The following LRCH1 variants were observed in gnomAD, a reference collection of about 807,000 sequenced individuals.
The protein encoded by LRCH1 is leucine rich repeats and calponin homology domain containing 1.
LRCH1 carries 23 observed loss-of-function variants against 94.9 expected under a neutral mutation model. That is an observed-to-expected ratio of 0.24 (90% CI 0.17 to 0.34). LRCH1 has a LOEUF of 0.34. Ranked by LOEUF, LRCH1 falls within the 10% of genes least tolerant of loss-of-function variation. The pLI is 1.00. For synonymous variants in LRCH1, 364 were observed against 354.9 expected, an observed-to-expected ratio of 1.03 and a Z score of -0.29; for missense variants, 790 against 945.9, an observed-to-expected ratio of 0.84 and a Z score of 2.16.
At chr13:46,681,720 C>G (rs1170927396) in intron 3 of LRCH1, 21 bp from the exon 4 acceptor site, 1 of 1,510,528 alleles carries the variant, frequency 6.6e-7, no homozygotes, top group Admixed American at 1.7e-5. Context: ...TTTATTATTT[C>G]TCTCTCTGCT....
At chr13:46,726,390 G>T (rs962073507) in intron 17 of LRCH1, among the ~76,000 whole-genome samples, 1 of 152,176 alleles carries the variant, frequency 6.6e-6, no homozygotes, top group African/African-American at 2.4e-5. Flanking sequence ...AGCCGAAGTC[G>T]CTGGGAACCC....
intron 10 of LRCH1, among the ~76,000 whole-genome samples, chr13:46,699,635 C>T (rs1027958298): frequency 6.6e-6 from 1 of 152,098 alleles, no homozygotes; most frequent in African/African-American, 2.4e-5. Flanking sequence ...TTTGAGGTTG[C>T]GGGTAGTAAT....
At chr13:46,676,961 G>A (rs910537888) in intron 3 of LRCH1, among the ~76,000 whole-genome samples, 8 of 151,972 alleles carry the variant, frequency 5.3e-5, no homozygotes, top group Non-Finnish European at 1.0e-4. Flanking sequence ...AAGTCTTTTT[G>A]TAGAGTCAGG....
chr13:46,605,035 A>G (rs1789838559), intron 1 of LRCH1, among the ~76,000 whole-genome samples: 1 of 152,212 alleles, frequency 6.6e-6, no homozygotes, highest in Non-Finnish European at 1.5e-5. Context: ...TTCTTAAAGA[A>G]ATTGACCCAT....
intron 16 of LRCH1, chr13:46,717,802 A>T (rs1427184161): frequency 1.3e-5 from 2 of 151,966 alleles, no homozygotes; most frequent in East Asian, 1.9e-4. Context: ...TCCTTTTTTT[A>T]AAATTCTTTC....
chr13:46,616,051 C>CTTAGAA (rs2050803884), intron 1 of LRCH1, among the ~76,000 whole-genome samples: 1 of 152,178 alleles, frequency 6.6e-6, no homozygotes, highest in Admixed American at 6.5e-5. Flanking sequence ...GAAATGTAAA[C>CTTAGAA]ATGGGACTTA....
At chr13:46,683,631 A>G (rs759697297) in intron 4 of LRCH1, among the ~76,000 whole-genome samples, 7 of 152,350 alleles carry the variant, frequency 4.6e-5, no homozygotes, top group Admixed American at 6.5e-5. Context: ...CATTTTCAAA[A>G]GGAAAAATTA....
At position 46,707,692 on chromosome 13, in the gene LRCH1, C is replaced by T. The variant is rs533804803; in HGVS notation, c.1527+2388C>T. ...TGGATGGTCATTCCAATAATTTTGTCTTCTAAGATGTATATATTCCTGAAT... is the reference window on the plus strand; with the variant it reads ...TGGATGGTCATTCCAATAATTTTGTTTTCTAAGATGTATATATTCCTGAAT... On this transcript the variant is annotated intron_variant, in intron 13 of 19. Transcript: ENST00000389797. Among the ~76,000 whole-genome samples, 4 of 152,268 alleles carry T rather than the reference C, an allele frequency of 2.6e-5. No homozygotes were observed. In the East Asian group the frequency reaches 7.7e-4, roughly 29 times the overall value.
intron 13 of LRCH1, chr13:46,705,566 T>G: frequency 1.6e-6 from 1 of 610,670 alleles, no homozygotes; most frequent in Non-Finnish European, 3.0e-6. Flanking sequence ...TCAGATCATC[T>G]TGCTGAGTCA....
At chr13:46,599,469 G>A (rs752145947) in intron 1 of LRCH1, among the ~76,000 whole-genome samples, 5 of 152,144 alleles carry the variant, frequency 3.3e-5, no homozygotes, top group Non-Finnish European at 7.3e-5. Flanking sequence ...CCCACCCACA[G>A]TACACAGGGG....
At chr13:46,604,585 G>A (rs555785215) in intron 1 of LRCH1, among the ~76,000 whole-genome samples, 2 of 152,310 alleles carry the variant, frequency 1.3e-5, no homozygotes, top group Non-Finnish European at 2.9e-5. Flanking sequence ...TATCTGGAGC[G>A]GAGCAGGCAG....
chr13:46,698,484 G>A (rs977487243), intron 9 of LRCH1, among the ~76,000 whole-genome samples: 16 of 48,406 alleles, frequency 3.3e-4, no homozygotes, highest in Non-Finnish European at 4.9e-4. Context: ...GAACATTTGA[G>A]TGATTCTGGA....
At chr13:46,727,902 T>C (rs530092070) in intron 17 of LRCH1, among the ~76,000 whole-genome samples, 90 of 55,090 alleles carry the variant, frequency 1.6e-3, no homozygotes, top group Non-Finnish European at 2.2e-3. Context: ...GAGAAAAACA[T>C]TTCTTTCTTT....
intron 18 of LRCH1, among the ~76,000 whole-genome samples, chr13:46,731,686 C>G (rs898253838): frequency 3.9e-5 from 6 of 152,124 alleles, no homozygotes; most frequent in Non-Finnish European, 8.8e-5. Context: ...TCTTGATGAC[C>G]TTTTGGACCA....
At chr13:46,630,794 G>A (rs2051009105) in intron 1 of LRCH1, among the ~76,000 whole-genome samples, 2 of 152,332 alleles carry the variant, frequency 1.3e-5, no homozygotes, top group Admixed American at 1.3e-4. Flanking sequence ...CCAATTAACT[G>A]AATGTATGAA....
intron 9 of LRCH1, among the ~76,000 whole-genome samples, chr13:46,696,538 A>G (rs1040574330): frequency 2.0e-5 from 3 of 152,220 alleles, no homozygotes; most frequent in African/African-American, 7.2e-5. Context: ...CTGGATTCAG[A>G]GATTTCAAGG....
At chr13:46,748,302 C>T (rs1258008077), downstream of LRCH1, among the ~76,000 whole-genome samples, 7 of 149,694 alleles carry the variant, frequency 4.7e-5, no homozygotes, top group African/African-American at 1.5e-4. Context: ...ATGTTCAACT[C>T]TTTATTTGAT....
In LRCH1 at chr13:46,694,889, A is replaced by G. The variant is rs373527642; in HGVS notation, c.1121-4A>G. The G allele has an allele frequency of 8.1e-6, 13 of 1,613,900 alleles. No homozygotes were observed. The Admixed American group carries it at 1.5e-4, about 19-fold the overall frequency. On this transcript the variant is annotated splice_polypyrimidine_tract_variant and splice_region_variant and intron_variant, in intron 8 of 19. Coordinates refer to ENST00000389797, the MANE Select transcript of LRCH1 (RefSeq NM_001164211.2). ...CTTTCCATCTCTCTATATTTTCCTA[A>G]TAGGGGAATTTCATCAGGAATTTCA...
intron 1 of LRCH1, among the ~76,000 whole-genome samples, chr13:46,563,035 C>T (rs895965879): frequency 6.6e-6 from 1 of 151,970 alleles, no homozygotes; most frequent in Non-Finnish European, 1.5e-5. Context: ...TTCTCACCAA[C>T]ATTTGCAAGT....
Sources: allele counts gnomAD v4.1 joint callset (sites outside exome capture counted in the v4.1 genomes callset), GRCh38; gene constraint gnomAD v4.1.1; transcripts MANE v1.5; gene names NCBI Gene and HGNC (gene_info 2026-07-23, HGNC 2026-07-21).